SCAPER: variants seen among roughly 807,000 people sequenced by gnomAD.
The protein encoded by SCAPER is S phase cyclin A-associated protein in the endoplasmic reticulum.
A neutral mutation model predicts 182.2 loss-of-function variants in SCAPER; 98 were observed. The observed-to-expected ratio is 0.54, with a 90% CI of 0.46 to 0.64. The LOEUF (loss-of-function observed/expected upper bound fraction) is 0.64. Among genes scored for constraint, SCAPER ranks in the 30% least tolerant of loss-of-function variants. SCAPER has a pLI of 0.00. For synonymous variants in SCAPER, 605 were observed against 564.6 expected (o/e 1.07, Z -1.01); for missense variants, 1,432 against 1,690.0 (o/e 0.85, Z 2.68).
intron 1 of SCAPER, chr15:76,904,720 T>C (rs1224923700): frequency 6.6e-6 from 1 of 152,300 alleles, no homozygotes; most frequent in Admixed American, 6.5e-5. Context: ...GAGAGGCTCT[T>C]CGCCCCTCCA....
chr15:76,627,856 G>A (rs111519289), intron 21 of SCAPER, among the ~76,000 whole-genome samples: 5,251 of 152,108 alleles, frequency 0.035, 126 homozygotes, highest in Non-Finnish European at 0.05. Flanking sequence ...AGATCTTTAA[G>A]GAATCACCAC....
At chr15:76,695,030 CTTT>C (rs1567823559) in intron 20 of SCAPER, among the ~76,000 whole-genome samples, 2 of 152,062 alleles carry the variant, frequency 1.3e-5, no homozygotes, top group Non-Finnish European at 2.9e-5. Context: ...AAAGGACCTT[CTTT>C]AAGATATTTA....
intron 21 of SCAPER, among the ~76,000 whole-genome samples, chr15:76,629,094 T>C (rs1247481876): frequency 6.6e-6 from 1 of 152,250 alleles, no homozygotes; most frequent in Non-Finnish European, 1.5e-5. Flanking sequence ...ATAGGAACGC[T>C]TGTAACTTTT....
At chr15:76,423,101 C>G (rs1222958841) in intron 26 of SCAPER, among the ~76,000 whole-genome samples, 3 of 152,092 alleles carry the variant, frequency 2.0e-5, no homozygotes, top group African/African-American at 7.2e-5. Context: ...TGTGTCTCTG[C>G]CAGGCTTTGG....
Position 76,765,437 on chromosome 15 carries a change from G to C in SCAPER, c.1513C>G (p.Gln505Glu). ...ADYEARESWR[Q>E]NTSWGDIVEE... ...ACAATGTCCCCCCAGGATGTATTTT[G>C]GCGCCAAGACTCACGAGCTGTTCAG... The change falls in exon 13 of 32, where the codon CAA becomes GAA. Residue 505 changes from glutamine (Q) to glutamate (E), a missense_variant. This residue lies in a region of SCAPER where 128 missense variants were observed against 149.9 expected (regional missense o/e 0.85). Coordinates refer to ENST00000563290, the MANE Select transcript of SCAPER (RefSeq NM_020843.4). 2 of 1,613,892 alleles carry C rather than the reference G, an allele frequency of 1.2e-6. No homozygotes were observed. Among genetic ancestry groups the C allele is most frequent in the Non-Finnish European group, 1.7e-6 (2 of 1,179,828 alleles).
intron 24 of SCAPER, among the ~76,000 whole-genome samples, chr15:76,499,553 T>C (rs1436629508): frequency 6.6e-6 from 1 of 152,208 alleles, no homozygotes; most frequent in African/African-American, 2.4e-5. Context: ...TGATGTCCTA[T>C]GATTTACAAA....
At chr15:76,575,237 G>T (rs1299775745) in intron 22 of SCAPER, among the ~76,000 whole-genome samples, 1 of 152,084 alleles carries the variant, frequency 6.6e-6, no homozygotes, top group African/African-American at 2.4e-5. Context: ...CCTGGCAGGG[G>T]TGGGGGTGTG....
intron 26 of SCAPER, among the ~76,000 whole-genome samples, chr15:76,421,684 G>C (rs1163291209): frequency 1.3e-5 from 2 of 152,214 alleles, no homozygotes; most frequent in Non-Finnish European, 2.9e-5. Context: ...TTTTAGACAT[G>C]AAGTCCTTGC....
At chr15:76,394,996 C>A (rs2043954432) in intron 27 of SCAPER, among the ~76,000 whole-genome samples, 1 of 152,084 alleles carries the variant, frequency 6.6e-6, no homozygotes, top group South Asian at 2.1e-4. Context: ...TCTCTCCCAC[C>A]CACCCACTAC....
chr15:76,736,371 G>C (rs767024221), intron 15 of SCAPER, among the ~76,000 whole-genome samples: 122 of 152,140 alleles, frequency 8.0e-4, no homozygotes, highest in Non-Finnish European at 8.4e-4. Context: ...CTTAAAATAG[G>C]ACAACAACGA....
intron 29 of SCAPER, among the ~76,000 whole-genome samples, chr15:76,356,690 C>T (rs112785821): frequency 1.3e-5 from 2 of 152,278 alleles, no homozygotes; most frequent in African/African-American, 4.8e-5. Context: ...CCACTGTGAG[C>T]CTGGCCAGCC....
chr15:76,817,470 G>A (rs547133245), intron 5 of SCAPER, among the ~76,000 whole-genome samples: 50 of 152,226 alleles, frequency 3.3e-4, no homozygotes, highest in Non-Finnish European at 5.9e-4. Context: ...TTCTAATTAC[G>A]TAGGATGAAC....
chr15:76,756,718 A>G (rs2062457109), intron 14 of SCAPER, among the ~76,000 whole-genome samples: 1 of 152,244 alleles, frequency 6.6e-6, no homozygotes, highest in Non-Finnish European at 1.5e-5. Flanking sequence ...GTACTCAGTT[A>G]TAAGAGTGAC....
chr15:76,536,837 T>A (rs2044209393), intron 23 of SCAPER, among the ~76,000 whole-genome samples: 1 of 152,076 alleles, frequency 6.6e-6, no homozygotes, highest in Admixed American at 6.6e-5. Context: ...CAGCCCAAAA[T>A]CTCCTTAAGC....
chr15:76,488,967 C>T (rs1179508296), intron 24 of SCAPER, among the ~76,000 whole-genome samples: 1 of 151,128 alleles, frequency 6.6e-6, no homozygotes, highest in African/African-American at 2.4e-5. Flanking sequence ...AGGTGATCCA[C>T]CTGTCTCAGC....
chr15:76,381,800 TCTC>T (rs2042961566), intron 27 of SCAPER, among the ~76,000 whole-genome samples, 185 bp from the exon 28 acceptor site: 3 of 152,166 alleles, frequency 2.0e-5, no homozygotes, highest in South Asian at 4.1e-4. Flanking sequence ...GGCTTTTTCT[TCTC>T]CTGGAAGACC....
intron 8 of SCAPER, among the ~76,000 whole-genome samples, chr15:76,790,951 A>C (rs986347210): frequency 3.9e-5 from 6 of 152,238 alleles, no homozygotes; most frequent in Non-Finnish European, 7.3e-5. Flanking sequence ...AATTTTCCTC[A>C]AAGCCTAGCT....
At chr15:76,379,698 CT>C (rs1007893206) in intron 28 of SCAPER, 101 of 147,754 alleles carry the variant, frequency 6.8e-4, no homozygotes, top group African/African-American at 2.1e-3. Flanking sequence ...TTTTCTTTTC[CT>C]TTTTTTTTTC....
chr15:76,800,700 G>A (rs2065718907), intron 6 of SCAPER, among the ~76,000 whole-genome samples: 1 of 152,182 alleles, frequency 6.6e-6, no homozygotes, highest in Admixed American at 6.5e-5. Flanking sequence ...CTAAAAAAAT[G>A]TTTAAAAGGC....
Sources: allele counts gnomAD v4.1 joint callset (sites outside exome capture counted in the v4.1 genomes callset), GRCh38; gene constraint gnomAD v4.1.1; regional missense constraint gnomAD v4.1.1; transcripts MANE v1.5; gene names NCBI Gene and HGNC (gene_info 2026-07-23, HGNC 2026-07-21).